Variants in CPXM2 observed in about 807,000 individuals in gnomAD.
CPXM2 encodes inactive carboxypeptidase-like protein X2.
A neutral mutation model predicts 86.1 loss-of-function variants in CPXM2; 66 were observed. The observed-to-expected ratio is 0.77, with a 90% CI of 0.63 to 0.94. The LOEUF is 0.94. CPXM2 is among the 40% of genes least tolerant of loss of function. CPXM2 has a pLI of 0.00. For synonymous variants in CPXM2, 388 were observed against 400.2 expected (o/e 0.97, Z 0.36); for missense variants, 948 against 1,026.3 (o/e 0.92, Z 1.04).
In CPXM2 at chr10:123,784,296, A is replaced by G. The variant is rs144112050; in HGVS notation, c.890-4041T>C. Among the ~76,000 whole-genome samples, 453 of 152,278 alleles carry G rather than the reference A, an allele frequency of 3.0e-3. 2 individuals carry two copies. Among genetic ancestry groups the G allele is most frequent in the African/African-American group, 0.011 (440 of 41,554 alleles). On this transcript the variant is annotated intron_variant, in intron 6 of 13. Transcript: ENST00000241305. ...GGCAGCTCTGAGAGAGACCTGGAAC[A>G]AATTCTCCCTGACAGCCCCAGAAGA... is the stretch of plus-strand genomic sequence containing the variant.
intron 2 of CPXM2, among the ~76,000 whole-genome samples, chr10:123,910,962 C>G (rs545652159): frequency 3.3e-5 from 5 of 151,422 alleles, no homozygotes; most frequent in South Asian, 2.1e-4. Context: ...ATGTCTGGAT[C>G]TCTGTGTGTC....
At chr10:123,921,289 TA>T (rs200056233) in intron 2 of CPXM2, among the ~76,000 whole-genome samples, 3 of 141,666 alleles carry the variant, frequency 2.1e-5, no homozygotes, top group Non-Finnish European at 4.9e-5. Context: ...AATTTTTTTT[TA>T]AAAAAAGCAT....
chr10:123,935,957 C>T lies in CPXM2; in HGVS notation n.174+3520G>A, dbSNP rs1196975595. 1.4e-4 allele frequency among the ~76,000 whole-genome samples: 21 copies of T among 150,402 alleles called. 1 individual carries two copies. The highest frequency in any genetic ancestry group is 3.2e-4 in the African/African-American group (13 of 40,112). ...CCATCATCATCACCATCATCACCAGCATCTTTACCATCATCACCATCATCA... is the reference window on the plus strand; with the variant it reads ...CCATCATCATCACCATCATCACCAGTATCTTTACCATCATCACCATCATCA... On this transcript the variant is annotated intron_variant and non_coding_transcript_variant, in intron 2 of 19. Transcript: ENST00000368854.
At chr10:123,880,639 C>T (rs928272150) in intron 1 of CPXM2, among the ~76,000 whole-genome samples, 1 of 152,004 alleles carries the variant, frequency 6.6e-6, no homozygotes, top group South Asian at 2.1e-4. Context: ...ACCATCCTGG[C>T]TAACACGGTG....
chr10:123,841,838 G>A (rs1345843026), intron 4 of CPXM2, among the ~76,000 whole-genome samples: 1 of 152,180 alleles, frequency 6.6e-6, no homozygotes, highest in African/African-American at 2.4e-5. Flanking sequence ...TCTGAGAAAT[G>A]AGACCCCTTC....
chr10:123,919,512 A>G (rs1387098176), intron 2 of CPXM2, among the ~76,000 whole-genome samples: 2 of 152,218 alleles, frequency 1.3e-5, no homozygotes, highest in Non-Finnish European at 2.9e-5. Context: ...AAGAATGAAC[A>G]CTCTTGAAAC....
intron 5 of CPXM2, among the ~76,000 whole-genome samples, chr10:123,798,682 T>C (rs896790961): frequency 1.3e-5 from 2 of 152,190 alleles, no homozygotes; most frequent in African/African-American, 4.8e-5. Flanking sequence ...TTGGATACCA[T>C]GCTAGGAATA....
At position 123,865,720 on chromosome 10, in the gene CPXM2, G is replaced by A. The variant is rs1389579183; in HGVS notation, c.404-2997C>T. 6.6e-6 allele frequency among the ~76,000 whole-genome samples: 1 copy of A among 152,180 alleles called. No homozygotes were observed. Among genetic ancestry groups the A allele is most frequent in the East Asian group, 1.9e-4 (1 of 5,178 alleles). On this transcript the variant is annotated intron_variant, in intron 2 of 13. Transcript: ENST00000241305. This position sits in a 1 kb window ranked among gnomAD's most constrained non-coding sequence, Gnocchi z 4.7. ...GACATGGGGCACGGGACGGGCACCT[G>A]CAGCTACTGCCCAGAGCTGAGGGTG...
At chr10:123,820,180 C>A (rs1042150431) in intron 4 of CPXM2, among the ~76,000 whole-genome samples, 1 of 152,160 alleles carries the variant, frequency 6.6e-6, no homozygotes, top group Non-Finnish European at 1.5e-5. Flanking sequence ...CTTAATAAAG[C>A]CCTTTTTTTA....
intron 2 of CPXM2, 133 bp downstream of exon 2, chr10:123,880,078 T>C (rs1302910249): frequency 1.6e-6 from 1 of 617,786 alleles, no homozygotes; most frequent in Non-Finnish European, 2.9e-6. Context: ...TGGATCGGAA[T>C]AGACAGCAGG....
chr10:123,918,691 G>T (rs1474156124), intron 2 of CPXM2, among the ~76,000 whole-genome samples: 2 of 152,114 alleles, frequency 1.3e-5, no homozygotes, highest in Non-Finnish European at 2.9e-5. Flanking sequence ...TAGTCTTCCA[G>T]CCCTGTCCCA....
intron 2 of CPXM2, among the ~76,000 whole-genome samples, chr10:123,906,053 G>A (rs575227302): frequency 3.3e-5 from 5 of 152,254 alleles, no homozygotes; most frequent in East Asian, 1.9e-4. Flanking sequence ...CACATGGCCC[G>A]CACCTTTGCT....
chr10:123,885,486 C>G lies in CPXM2; in HGVS notation c.305-5177G>C, dbSNP rs1945166085. On this transcript the variant is annotated intron_variant, in intron 1 of 13. Transcript: ENST00000241305. The surrounding 1 kb of genome is among the most constrained non-coding windows in gnomAD (Gnocchi z 4.0). ...CCATGGAGCACCTACCTGTGCCTAG[C>G]ATGAACCAGGCATTCCATACAAATC... 6.6e-6 allele frequency among the ~76,000 whole-genome samples: 1 copy of G among 152,244 alleles called. No homozygotes were observed. Among genetic ancestry groups the G allele is most frequent in the Non-Finnish European group, 1.5e-5 (1 of 68,050 alleles).
rs1564760606 is a variant in CPXM2 at position 123,770,959 on chromosome 10, C to T, written c.1059G>A (p.Leu353=). ...GGTGATCTGAGATCTCCACAGCATACAGCTTCAGGCCCTGGTGGCTTTTTC... is the reference window on the plus strand; with the variant it reads ...GGTGATCTGAGATCTCCACAGCATATAGCTTCAGGCCCTGGTGGCTTTTTC... The part of the protein sequence containing the change: ...NIGKSHQGLK[L]YAVEISDHPG... The change falls in exon 8 of 14, where the codon CTG becomes CTA. Residue 353 remains leucine (L), a synonymous_variant. Transcript: ENST00000241305. 2.5e-6 allele frequency: 4 copies of T among 1,614,056 alleles called. No individual in the cohort carries two copies. The highest frequency in any genetic ancestry group is 2.7e-5 in the African/African-American group (2 of 74,938).
At chr10:123,850,901 G>C (rs1848585854) in intron 3 of CPXM2, among the ~76,000 whole-genome samples, 1 of 152,190 alleles carries the variant, frequency 6.6e-6, no homozygotes, top group African/African-American at 2.4e-5. Flanking sequence ...ATATCCCCCA[G>C]ATAAAGACAG....
rs1386559446 is a variant in CPXM2 at position 123,767,071 on chromosome 10, T to A, written c.1381A>T (p.Thr461Ser). ...CGATCCTCTGCCTCCCAGAGCAGCG[T>A]GTTTAAATCAGGAAAGTTGTTGTTG... is the stretch of plus-strand genomic sequence containing the variant. ...DINNNFPDLN[T>S]LLWEAEDRQN... Residue 461 changes from threonine to serine, a missense_variant, in exon 10 of 14, where the codon ACG becomes TCG. Thr to Ser is a moderately conservative substitution (Grantham distance 58). Coordinates refer to ENST00000241305, the MANE Select transcript of CPXM2 (RefSeq NM_198148.3). 6.2e-7 allele frequency: 1 copy of A among 1,614,168 alleles called. No homozygotes were observed. The highest frequency in any genetic ancestry group is 8.5e-7 in the Non-Finnish European group (1 of 1,180,014).
At chr10:123,804,389 A>G (rs1156285245) in intron 4 of CPXM2, among the ~76,000 whole-genome samples, 1 of 152,176 alleles carries the variant, frequency 6.6e-6, no homozygotes, top group Non-Finnish European at 1.5e-5. Flanking sequence ...AACATGGTAT[A>G]TGATCCTCTT....
At chr10:123,762,869 T>G (rs1846377789) in intron 10 of CPXM2, among the ~76,000 whole-genome samples, 1 of 152,192 alleles carries the variant, frequency 6.6e-6, no homozygotes, top group Non-Finnish European at 1.5e-5. Context: ...GAACAGATAT[T>G]GGAAATCATT....
intron 3 of CPXM2, among the ~76,000 whole-genome samples, chr10:123,844,854 T>C (rs1848465641): frequency 6.6e-6 from 1 of 151,842 alleles, no homozygotes; most frequent in Non-Finnish European, 1.5e-5. Flanking sequence ...AAGATACCTT[T>C]GGGAGGTGAG....
Sources: allele counts gnomAD v4.1 joint callset (sites outside exome capture counted in the v4.1 genomes callset), GRCh38; gene constraint gnomAD v4.1.1; non-coding constraint Gnocchi (gnomAD v3.1); transcripts MANE v1.5; gene names NCBI Gene and HGNC (gene_info 2026-07-23, HGNC 2026-07-21).